GPHN: variants seen among roughly 807,000 people sequenced by gnomAD.
The protein encoded by GPHN is gephyrin.
GPHN carries 17 observed loss-of-function variants against 95.5 expected under a neutral mutation model. The ratio of observed to expected loss-of-function variants is 0.18; its 90% CI spans 0.12 to 0.27. GPHN has a LOEUF of 0.27. Ranked by LOEUF, GPHN falls within the 10% of genes least tolerant of loss-of-function variation. The probability of loss-of-function intolerance (pLI) is 1.00; values close to 1 mark genes in which losing one functional copy is unlikely to be tolerated. For synonymous variants in GPHN, 320 were observed against 322.5 expected (o/e 0.99, Z 0.08); for missense variants, 660 against 978.1 (o/e 0.67, Z 4.34).
At chr14:67,410,294 G>A in the GPHN span, among the ~76,000 whole-genome samples, 1 of 152,064 alleles carries the variant, frequency 6.6e-6, no homozygotes, top group Non-Finnish European at 1.5e-5. Flanking sequence ...CTATCAGAAG[G>A]ATCTGTCTCC....
chr14:67,375,112 C>G, the GPHN span, among the ~76,000 whole-genome samples: 1 of 152,182 alleles, frequency 6.6e-6, no homozygotes, highest in Non-Finnish European at 1.5e-5. Context: ...GCTATTACTT[C>G]CTGCTTGTCA....
At chr14:67,243,445 C>T in the GPHN span, among the ~76,000 whole-genome samples, 2 of 150,750 alleles carry the variant, frequency 1.3e-5, no homozygotes, top group African/African-American at 4.9e-5. Flanking sequence ...GCCTCGGCCT[C>T]CTGAAATGCT....
intron 4 of GPHN, among the ~76,000 whole-genome samples, chr14:66,879,006 A>T (rs965458575): frequency 6.6e-6 from 1 of 152,176 alleles, no homozygotes; most frequent in African/African-American, 2.4e-5. Context: ...GCACATATAC[A>T]CCATGGAATG....
intron 3 of GPHN, among the ~76,000 whole-genome samples, chr14:66,813,528 G>A (rs930356855): frequency 6.6e-6 from 1 of 152,202 alleles, no homozygotes; most frequent in Non-Finnish European, 1.5e-5. Context: ...CTCTCACCAT[G>A]GGCCTCTGGA....
At chr14:67,014,000 A>C (rs1289832531) in intron 9 of GPHN, among the ~76,000 whole-genome samples, 3 of 151,976 alleles carry the variant, frequency 2.0e-5, no homozygotes, top group Non-Finnish European at 4.4e-5. Flanking sequence ...TATTTTTTAG[A>C]ATTAATCAAT....
chr14:66,671,026 T>A (rs555496160), intron 1 of GPHN, among the ~76,000 whole-genome samples: 23 of 152,212 alleles, frequency 1.5e-4, no homozygotes, highest in African/African-American at 4.3e-4. Context: ...TTAGAGTTTA[T>A]GTTTAGTAGG....
At chr14:67,321,426 TCA>T in the GPHN span, among the ~76,000 whole-genome samples, 1 of 152,200 alleles carries the variant, frequency 6.6e-6, no homozygotes, top group East Asian at 1.9e-4. Flanking sequence ...TAAATCTCTT[TCA>T]GTTTCCTCAG....
At chr14:67,202,713 A>T in the GPHN span, among the ~76,000 whole-genome samples, 1 of 152,196 alleles carries the variant, frequency 6.6e-6, no homozygotes, top group African/African-American at 2.4e-5. Flanking sequence ...CTTTAAACTT[A>T]TGTGTAAATG....
the GPHN span, among the ~76,000 whole-genome samples, chr14:67,486,097 G>A: frequency 5.3e-5 from 8 of 152,190 alleles, no homozygotes; most frequent in African/African-American, 1.9e-4. Context: ...GTGAGTGCTC[G>A]CTTCACTCAC....
chr14:66,975,941 A>T (rs1047820094), intron 9 of GPHN, among the ~76,000 whole-genome samples: 1 of 152,162 alleles, frequency 6.6e-6, no homozygotes, highest in African/African-American at 2.4e-5. Flanking sequence ...TAACACCAAG[A>T]TATTAAATAA....
chr14:66,697,559 A>G (rs1489096301), intron 2 of GPHN, among the ~76,000 whole-genome samples: 1 of 151,796 alleles, frequency 6.6e-6, no homozygotes, highest in Admixed American at 6.6e-5. Flanking sequence ...CTGTCATGTG[A>G]ACTTTCATTC....
intron 1 of GPHN, among the ~76,000 whole-genome samples, chr14:66,569,534 GC>G (rs1362858572): frequency 6.6e-6 from 1 of 151,910 alleles, no homozygotes; most frequent in African/African-American, 2.4e-5. Context: ...ATGGTGGGGG[GC>G]CCCTGTAATC....
chr14:67,509,643 T>C, the GPHN span, among the ~76,000 whole-genome samples: 1 of 152,172 alleles, frequency 6.6e-6, no homozygotes, highest in African/African-American at 2.4e-5. Context: ...TGTGTTAACC[T>C]ATACTGCCTC....
chr14:67,702,305 T>C, the GPHN span, among the ~76,000 whole-genome samples: 1 of 152,208 alleles, frequency 6.6e-6, no homozygotes, highest in East Asian at 1.9e-4. Context: ...TATTAACCAT[T>C]TTTATAGCCT....
chr14:67,146,712 A>T (rs2080917551), intron 18 of GPHN, among the ~76,000 whole-genome samples: 1 of 152,220 alleles, frequency 6.6e-6, no homozygotes, highest in Non-Finnish European at 1.5e-5. Context: ...TTGTTTTGTA[A>T]GTCTAGAGCC....
chr14:67,248,507 T>A, the GPHN span, among the ~76,000 whole-genome samples: 1 of 152,182 alleles, frequency 6.6e-6, no homozygotes, highest in Non-Finnish European at 1.5e-5. Context: ...TTATAAAAAT[T>A]AAAACATTTG....
chr14:67,257,073 G>A, the GPHN span, among the ~76,000 whole-genome samples: 2 of 152,044 alleles, frequency 1.3e-5, no homozygotes, highest in Non-Finnish European at 2.9e-5. Context: ...GGTTTGATCC[G>A]GTAAGACGGA....
the GPHN span, among the ~76,000 whole-genome samples, chr14:67,402,537 T>A: frequency 6.6e-6 from 1 of 152,188 alleles, no homozygotes; most frequent in Non-Finnish European, 1.5e-5. Context: ...TCTAATTAAT[T>A]TTTTTGTACC....
At chr14:66,681,240 C>A in intron 2 of GPHN, 55 bp downstream of exon 2, 1 of 1,074,810 alleles carries the variant, frequency 9.3e-7, no homozygotes, top group Non-Finnish European at 1.4e-6. Flanking sequence ...TATTAGTGTT[C>A]CTTTTCTCAA....
Sources: gnomAD v4.1 joint callset for allele counts (sites outside exome capture counted in the v4.1 genomes callset) on GRCh38, gnomAD v4.1.1 for gene constraint, MANE v1.5 for transcripts, NCBI Gene and HGNC (gene_info 2026-07-23, HGNC 2026-07-21) for gene names.